The following TMC5 variants were observed in gnomAD, a reference collection of about 807,000 sequenced individuals.
The protein encoded by TMC5 is transmembrane channel like 5, also known as transmembrane channel-like protein 5.
TMC5 carries 86 observed loss-of-function variants against 110.5 expected under a neutral mutation model. The ratio of observed to expected loss-of-function variants is 0.78; its 90% CI spans 0.65 to 0.93. The LOEUF is 0.93. TMC5 is among the 40% of genes least tolerant of loss of function. The pLI is 0.00. For missense variants in TMC5, 1,144 were observed against 1,222.8 expected (o/e 0.94, Z 0.96); for synonymous variants, 455 against 439.5 (o/e 1.04, Z -0.44).
intron 2 of TMC5, among the ~76,000 whole-genome samples, chr16:19,433,143 A>T (rs767115301): frequency 2.7e-4 from 41 of 152,202 alleles, no homozygotes; most frequent in Non-Finnish European, 5.1e-4. Flanking sequence ...CTGCTGCATC[A>T]AAATAACACT....
intron 15 of TMC5, among the ~76,000 whole-genome samples, chr16:19,481,693 C>T (rs1468350903): frequency 1.3e-5 from 2 of 152,172 alleles, no homozygotes; most frequent in African/African-American, 4.8e-5. Flanking sequence ...ACCTGGAAGC[C>T]CACAGGTCGT....
At position 19,494,506 on chromosome 16, in the gene TMC5, T is replaced by C. The variant is rs769916115; in HGVS notation, c.2931+140T>C. On this transcript the variant is annotated intron_variant, in intron 20 of 21. Coordinates refer to ENST00000542583, the MANE Select transcript of TMC5 (RefSeq NM_001261841.2). ...CTGTCTTAAGTATTTCTGTGGTTTT[T>C]ACTTAAAAAGTAATATTCATGGCCA... The C allele has an allele frequency of 7.7e-4, 463 of 604,084 alleles. 2 individuals carry two copies. The highest frequency in any genetic ancestry group is 4.9e-3 in the Middle Eastern group (11 of 2,230). The allele number at this position is 604,084 out of a possible 1,614,324, so 37.4% of individuals were successfully genotyped here.
intron 18 of TMC5, 89 bp from the exon 19 acceptor site, chr16:19,492,061 C>A: frequency 9.6e-7 from 1 of 1,042,062 alleles, no homozygotes; most frequent in Non-Finnish European, 1.5e-6. Flanking sequence ...CATCTGCAAG[C>A]ACAGATTCCA....
intron 2 of TMC5, among the ~76,000 whole-genome samples, chr16:19,434,604 G>A (rs1417948136): frequency 6.6e-6 from 1 of 151,478 alleles, no homozygotes; most frequent in Non-Finnish European, 1.5e-5. Context: ...AATTACAGAT[G>A]TGAGCCATCA....
intron 13 of TMC5, among the ~76,000 whole-genome samples, 175 bp from the exon 14 acceptor site, chr16:19,479,256 T>C (rs959155250): frequency 6.6e-6 from 1 of 152,144 alleles, no homozygotes; most frequent in Non-Finnish European, 1.5e-5. Context: ...ACAACATCCC[T>C]GGGAACAAAC....
chr16:19,465,118 TC>T lies in TMC5; in HGVS notation c.1486-961del, dbSNP rs1567314845. 2.0e-3 allele frequency among the ~76,000 whole-genome samples: 104 copies of T among 53,176 alleles called. 1 individual carries two copies. The highest frequency in any genetic ancestry group is 5.2e-3 in the South Asian group (4 of 766). 34.9% of individuals were successfully genotyped at this position (53,176 alleles called of 152,430 possible). A position where few individuals can be genotyped will look rare whatever the true frequency, so the allele number is the denominator to read the frequency against. On this transcript the variant is annotated intron_variant, in intron 8 of 21. Transcript: ENST00000542583. Reference sequence around the variant, plus strand: ...CTTCCTTCCTTCCTTCCTTCCTCCCTCCCTCCCTCCCTCCCTTCCTGGACCC... The same window carrying T: ...CTTCCTTCCTTCCTTCCTTCCTCCCTCCTCCCTCCCTCCCTTCCTGGACCC...
rs201085859 is a variant in TMC5, at chr16:19,474,263, G to C, written c.2077G>C (p.Val693Leu). Residue 693 changes from valine (V) to leucine (L), a missense_variant, in exon 12 of 22, where the codon GTT becomes CTT. Transcript: ENST00000542583. ...RYEMPRHEVY[V>L]LLIRNIFLKI... The stretch of plus-strand genomic sequence containing the variant: ...CGAGATGCCACGGCACGAAGTCTAC[G>C]TTCTCCTGATCCGGTAGGTGATGTG... 20 of 1,613,884 alleles carry C rather than the reference G, an allele frequency of 1.2e-5. 1 individual carries two copies. In the Admixed American group the frequency reaches 3.3e-4, roughly 27 times the overall value.
chr16:19,486,906 C>T (rs1261065300), intron 15 of TMC5, 39 bp from the exon 16 acceptor site: 1 of 1,582,432 alleles, frequency 6.3e-7, no homozygotes. Context: ...CTCCTTGTGT[C>T]TCCGCCAGCC....
chr16:19,439,858 G>GTAGTTGT (rs1414770364), intron 2 of TMC5, 102 bp from the exon 3 acceptor site: 1 of 595,314 alleles, frequency 1.7e-6, no homozygotes, highest in African/African-American at 1.9e-5. Context: ...TTGTGTACCT[G>GTAGTTGT]ACTACGAACG....
chr16:19,452,306 A>AT (rs1967767477), intron 5 of TMC5, among the ~76,000 whole-genome samples: 1 of 152,210 alleles, frequency 6.6e-6, no homozygotes, highest in South Asian at 2.1e-4. Flanking sequence ...TCCCTGGGTG[A>AT]GCCACCCTCC....
chr16:19,442,303 T>C (rs1433136334), intron 3 of TMC5, among the ~76,000 whole-genome samples: 1 of 151,464 alleles, frequency 6.6e-6, no homozygotes, highest in African/African-American at 2.4e-5. Flanking sequence ...ATTTTTCATG[T>C]TCACGTTGCC....
chr16:19,472,404 C>T (rs1012849696), intron 11 of TMC5, among the ~76,000 whole-genome samples, 161 bp downstream of exon 11: 3 of 152,132 alleles, frequency 2.0e-5, no homozygotes. Context: ...GGCACAGTGG[C>T]TTACACCTGT....
intron 5 of TMC5, among the ~76,000 whole-genome samples, chr16:19,458,870 C>T (rs1208826619): frequency 6.6e-6 from 1 of 152,184 alleles, no homozygotes; most frequent in Non-Finnish European, 1.5e-5. Context: ...CATTCTAACC[C>T]TGTGCTGTGA....
At chr16:19,416,756 C>A (rs913508904), upstream of TMC5, among the ~76,000 whole-genome samples, 1 of 152,094 alleles carries the variant, frequency 6.6e-6, no homozygotes. Flanking sequence ...AGAGTTAAAC[C>A]TGTATGGTCC....
intron 15 of TMC5, among the ~76,000 whole-genome samples, chr16:19,486,181 C>T (rs1449390365): frequency 6.6e-6 from 1 of 152,154 alleles, no homozygotes; most frequent in Admixed American, 6.5e-5. Flanking sequence ...ACACTGAGTG[C>T]CTTAAACAAC....
intron 4 of TMC5, 133 bp from the exon 5 acceptor site, chr16:19,449,401 GTAGTCTGT>G (rs1485074071): frequency 2.9e-6 from 2 of 678,314 alleles, no homozygotes; most frequent in Non-Finnish European, 5.2e-6. Flanking sequence ...TTCTTAATCA[GTAGTCTGT>G]TAGAACCTCA....
At chr16:19,413,523 CAAAAAAAAAAAA>C (rs869158130), upstream of TMC5, among the ~76,000 whole-genome samples, 18 of 52,980 alleles carry the variant, frequency 3.4e-4, no homozygotes, top group South Asian at 5.8e-3. Context: ...AACCCTGCCT[CAAAAAAAAAAAA>C]AAAAAAAAAA....
intron 21 of TMC5, 143 bp downstream of exon 21, chr16:19,497,306 T>A: frequency 2.3e-6 from 2 of 866,624 alleles, no homozygotes; most frequent in African/African-American, 1.7e-5. Flanking sequence ...ATTCCAAGAA[T>A]AATTCTTGCT....
chr16:19,456,156 G>A (rs1397353546), intron 5 of TMC5, among the ~76,000 whole-genome samples: 1 of 151,696 alleles, frequency 6.6e-6, no homozygotes, highest in African/African-American at 2.4e-5. Flanking sequence ...ACAGTGAGCT[G>A]AGATCGCGCC....
Sources: gnomAD v4.1 joint callset for allele counts (sites outside exome capture counted in the v4.1 genomes callset) on GRCh38, gnomAD v4.1.1 for gene constraint, MANE v1.5 for transcripts, NCBI Gene and HGNC (gene_info 2026-07-23, HGNC 2026-07-21) for gene names.